INSL5: variants seen among roughly 807,000 people sequenced by gnomAD.
The protein encoded by INSL5 is insulin like 5, also known as insulin-like peptide INSL5.
A neutral mutation model predicts 4.3 loss-of-function variants in INSL5; 3 were observed. That is an observed-to-expected ratio of 0.70 (90% CI 0.32 to 1.82). The LOEUF (loss-of-function observed/expected upper bound fraction) is 1.82, where lower values mean the gene tolerates loss of function less well. Among genes scored for constraint, INSL5 ranks in the 40% most tolerant of loss-of-function variants. The pLI, the probability that INSL5 is intolerant of heterozygous loss-of-function variation, is 0.08. For synonymous variants in INSL5, 68 were observed against 56.6 expected (o/e 1.20, Z -0.90); for missense variants, 168 against 160.9 (o/e 1.04, Z -0.24).
chr1:66,800,836 A>G (rs1645370552), intron 1 of INSL5, among the ~76,000 whole-genome samples: 1 of 152,212 alleles, frequency 6.6e-6, no homozygotes, highest in African/African-American at 2.4e-5. Flanking sequence ...GGACTAAAAA[A>G]TGAGGTAGTT....
intron 1 of INSL5, among the ~76,000 whole-genome samples, chr1:66,800,043 C>CAAAT (rs924098376): frequency 4.6e-4 from 70 of 151,724 alleles, no homozygotes; most frequent in Admixed American, 1.0e-3. Flanking sequence ...TGTCTCCAAT[C>CAAAT]AAATAAATAA....
chr1:66,798,070 T>C lies in INSL5; in HGVS notation c.351A>G (p.Leu117=), dbSNP rs759485610. The change falls in exon 2 of 2, where the codon TTA becomes TTG. Residue 117 remains leucine (L), a synonymous_variant. Coordinates refer to ENST00000304526, the MANE Select transcript of INSL5 (RefSeq NM_005478.6). The part of the protein sequence containing the change: ...KKHSVMSRQD[L]QTLCCTDGCS... ...AGCCATCAGTGCAACACAAAGTTTGTAAATCTTGTCTTGACATCACTGAAT... is the reference window on the plus strand; with the variant it reads ...AGCCATCAGTGCAACACAAAGTTTGCAAATCTTGTCTTGACATCACTGAAT... 1.1e-5 allele frequency: 18 copies of C among 1,614,014 alleles called. No homozygotes were observed. The South Asian group carries it at 1.6e-4, about 15-fold the overall frequency.
In INSL5 at chr1:66,798,264, A is replaced by G; in HGVS notation, c.176-19T>C. The G allele has an allele frequency of 6.4e-7, 1 of 1,566,802 alleles. No homozygotes were observed. The highest frequency in any genetic ancestry group is 1.4e-5 in the African/African-American group (1 of 73,938). On this transcript the variant is annotated intron_variant, in intron 1 of 1. Transcript: ENST00000304526. ...GTCTCAGCTGTATGGAAGAGAAAAA[A>G]ATAATACATCCTTAGACAGCTCCTA...
At position 66,797,839 on chromosome 1, in the gene INSL5, G is replaced by A. The variant is rs1210080058; in HGVS notation, c.*174C>T. 4 of 570,124 alleles carry A rather than the reference G, an allele frequency of 7.0e-6. No homozygotes were observed. Among genetic ancestry groups the A allele is most frequent in the African/African-American group, 1.9e-5 (1 of 53,388 alleles). 35.3% of individuals were successfully genotyped at this position (570,124 alleles called of 1,614,324 possible). A position where few individuals can be genotyped will look rare whatever the true frequency, so the allele number is the denominator to read the frequency against. ...CAGTTCATTAACCTTGGCAAAGGGA[G>A]AAAATAGAGATCACTGTGGTTTCAA... On this transcript the variant is annotated 3_prime_UTR_variant, in exon 2 of 2. Transcript: ENST00000304526.
At chr1:66,800,727 CG>C (rs1645370119) in intron 1 of INSL5, among the ~76,000 whole-genome samples, 1 of 152,138 alleles carries the variant, frequency 6.6e-6, no homozygotes, top group African/African-American at 2.4e-5. Flanking sequence ...TACTTCAACA[CG>C]CTCCTTGAAA....
chr1:66,798,812 T>C (rs905915355), intron 1 of INSL5, among the ~76,000 whole-genome samples: 1 of 152,198 alleles, frequency 6.6e-6, no homozygotes, highest in Non-Finnish European at 1.5e-5. Flanking sequence ...GGTGAACAGA[T>C]GCTGGTTGGT....
At position 66,797,782 on chromosome 1, in the gene INSL5, A is replaced by C. The variant is rs1010243941; in HGVS notation, c.*231T>G. 7 of 393,816 alleles carry C rather than the reference A, an allele frequency of 1.8e-5. No homozygotes were observed. The highest frequency in any genetic ancestry group is 2.7e-5 in the Non-Finnish European group (6 of 221,344). 24.4% of individuals were successfully genotyped at this position (393,816 alleles called of 1,614,324 possible). A position where few individuals can be genotyped will look rare whatever the true frequency, so the allele number is the denominator to read the frequency against. On this transcript the variant is annotated 3_prime_UTR_variant, in exon 2 of 2. Coordinates refer to ENST00000304526, the MANE Select transcript of INSL5 (RefSeq NM_005478.6). The stretch of plus-strand genomic sequence containing the variant: ...TATTGCAATTTTGCGCAGCATTTGA[A>C]ATTTCAAAGCATTAGTAGAATTTGA...
chr1:66,797,981 G>T lies in INSL5; in HGVS notation c.*32C>A. On this transcript the variant is annotated 3_prime_UTR_variant, in exon 2 of 2. Transcript: ENST00000304526. ...ACACTGTAATTAAACATGTGATAAA[G>T]CTCTGCCACCCATTGGGTATTTGCT... The T allele has an allele frequency of 1.4e-6, 2 of 1,402,992 alleles. No individual in the cohort carries two copies. The highest frequency in any genetic ancestry group is 2.0e-6 in the Non-Finnish European group (2 of 989,208). The allele number at this position is 1,402,992 out of a possible 1,614,324, so 86.9% of individuals were successfully genotyped here.
intron 1 of INSL5, among the ~76,000 whole-genome samples, chr1:66,799,337 CTT>C (rs1487648229): frequency 6.6e-6 from 1 of 152,102 alleles, no homozygotes; most frequent in African/African-American, 2.4e-5. Flanking sequence ...AAAATACACT[CTT>C]AAGCAAGGCA....
At position 66,797,849 on chromosome 1, in the gene INSL5, A is replaced by T; in HGVS notation, c.*164T>A. The T allele has an allele frequency of 1.7e-6, 1 of 580,634 alleles. No individual in the cohort carries two copies. The highest frequency in any genetic ancestry group is 3.1e-6 in the Non-Finnish European group (1 of 326,390). The allele number at this position is 580,634 out of a possible 1,614,324, so 36.0% of individuals were successfully genotyped here. A position where few individuals can be genotyped will look rare whatever the true frequency, so the allele number is the denominator to read the frequency against. ...ACCTTGGCAAAGGGAGAAAATAGAG[A>T]TCACTGTGGTTTCAACCGCTCAGCT... On this transcript the variant is annotated 3_prime_UTR_variant, in exon 2 of 2. Coordinates refer to ENST00000304526, the MANE Select transcript of INSL5 (RefSeq NM_005478.6).
Position 66,801,138 on chromosome 1 carries a change from G to A in INSL5, c.84C>T (p.Leu28=). ...CTGTCCGTATGTATTCTAGCCCACA[G>A]AGTCTCACAGACTCCTTGCTCCGCA... The part of the protein sequence containing the change: ...SEVRSKESVR[L]CGLEYIRTVI... The change falls in exon 1 of 2, where the codon CTC becomes CTT. Residue 28 remains leucine (L), a synonymous_variant. Coordinates refer to ENST00000304526, the MANE Select transcript of INSL5 (RefSeq NM_005478.6). 1.2e-6 allele frequency: 2 copies of A among 1,612,774 alleles called. No homozygotes were observed. Among genetic ancestry groups the A allele is most frequent in the East Asian group, 2.2e-5 (1 of 44,878 alleles).
At chr1:66,800,684 T>C (rs909659266) in intron 1 of INSL5, among the ~76,000 whole-genome samples, 1 of 152,196 alleles carries the variant, frequency 6.6e-6, no homozygotes, top group Admixed American at 6.5e-5. Context: ...TAACTTATTA[T>C]ATTGTACAAT....
rs149194547 is a variant in INSL5 at position 66,801,115 on chromosome 1, G to A, written c.107C>T (p.Thr36Ile). The stretch of plus-strand genomic sequence containing the variant: ...GGAGCTAGCACAGATATAGATGACT[G>A]TCCGTATGTATTCTAGCCCACAGAG... Reference protein sequence around the residue: ...VRLCGLEYIRTVIYICASSRW... With the variant: ...VRLCGLEYIRIVIYICASSRW... Residue 36 changes from threonine to isoleucine, a missense_variant, in exon 1 of 2, where the codon ACA (threonine) becomes ATA (isoleucine). Physicochemically the swap from Thr to Ile is moderately conservative, Grantham distance 89. Transcript: ENST00000304526. The A allele has an allele frequency of 2.8e-4, 454 of 1,613,588 alleles. 7 individuals are homozygous for A. The Admixed American group carries it at 7.5e-3, about 27-fold the overall frequency.
Position 66,798,021 on chromosome 1 carries a change from G to C in INSL5, c.400C>G (p.Leu134Val), listed in dbSNP as rs1045948846. 1.7e-5 allele frequency: 28 copies of C among 1,611,658 alleles called. No individual in the cohort carries two copies. The highest frequency in any genetic ancestry group is 2.4e-5 in the Non-Finnish European group (28 of 1,177,890). ...DGCSMTDLSALC is the reference protein window; with the variant it reads ...DGCSMTDLSAVC Reference sequence around the variant, plus strand: ...GGGTATTTGCTCTTGTCTTAGCAAAGAGCACTCAAATCAGTCATGGAACAG... The same window carrying C: ...GGGTATTTGCTCTTGTCTTAGCAAACAGCACTCAAATCAGTCATGGAACAG... The change falls in exon 2 of 2, where the codon CTT (leucine) becomes GTT (valine). Residue 134 changes from leucine to valine, a missense_variant. Physicochemically the swap from Leu to Val is conservative, Grantham distance 32 (BLOSUM62 1). Coordinates refer to ENST00000304526, the MANE Select transcript of INSL5 (RefSeq NM_005478.6).
At chr1:66,801,013 A>C (rs1000508800) in intron 1 of INSL5, 34 bp downstream of exon 1, 1 of 1,481,788 alleles carries the variant, frequency 6.7e-7, no homozygotes, top group Non-Finnish European at 9.2e-7. Flanking sequence ...GACATGTGAA[A>C]GGAAAATAGA....
rs1239484172 is a variant in INSL5 at position 66,801,155 on chromosome 1, T to C, written c.67A>G (p.Lys23Glu). 6.2e-7 allele frequency: 1 copy of C among 1,613,232 alleles called. No homozygotes were observed. The highest frequency in any genetic ancestry group is 8.5e-7 in the Non-Finnish European group (1 of 1,179,296). ...AGCCCACAGAGTCTCACAGACTCCT[T>C]GCTCCGCACTTCTGAGATGGCAAAT... is the stretch of plus-strand genomic sequence containing the variant. ...VLFAISEVRS[K>E]ESVRLCGLEY... The change falls in exon 1 of 2, where the codon AAG becomes GAG. Residue 23 changes from lysine (K) to glutamate (E), a missense_variant. Coordinates refer to ENST00000304526, the MANE Select transcript of INSL5 (RefSeq NM_005478.6).
chr1:66,797,898 G>C lies in INSL5; in HGVS notation c.*115C>G, dbSNP rs1307639482. 1 of 719,812 alleles carries C rather than the reference G, an allele frequency of 1.4e-6. No individual in the cohort carries two copies. The highest frequency in any genetic ancestry group is 2.7e-5 in the East Asian group (1 of 37,026). 44.6% of individuals were successfully genotyped at this position (719,812 alleles called of 1,614,324 possible). ...CTATACCTTTTAGAAAAGAAGTTTTGCCTACCCAAAAGCCATCATTTTAAT... is the reference window on the plus strand; with the variant it reads ...CTATACCTTTTAGAAAAGAAGTTTTCCCTACCCAAAAGCCATCATTTTAAT... On this transcript the variant is annotated 3_prime_UTR_variant, in exon 2 of 2. Coordinates refer to ENST00000304526, the MANE Select transcript of INSL5 (RefSeq NM_005478.6).
Position 66,798,001 on chromosome 1 carries a change from T to C in INSL5, c.*12A>G. The C allele has an allele frequency of 2.5e-6, 4 of 1,574,660 alleles. No individual in the cohort carries two copies. The highest frequency in any genetic ancestry group is 3.5e-6 in the Non-Finnish European group (4 of 1,144,308). ...ATAAAGCTCTGCCACCCATTGGGTA[T>C]TTGCTCTTGTCTTAGCAAAGAGCAC... On this transcript the variant is annotated 3_prime_UTR_variant, in exon 2 of 2. Coordinates refer to ENST00000304526, the MANE Select transcript of INSL5 (RefSeq NM_005478.6).
chr1:66,801,045 A>T lies in INSL5; in HGVS notation c.175+2T>A. On this transcript the variant is annotated splice_donor_variant, in intron 1 of 1. Transcript: ENST00000304526. LOFTEE classifies it high-confidence loss of function. Reference sequence around the variant, plus strand: ...TAGAGGAGACACATGAGTTACTGTTACCTTGCTGAGCTTGAGGGATCCCCT... The same window carrying T: ...TAGAGGAGACACATGAGTTACTGTTTCCTTGCTGAGCTTGAGGGATCCCCT... The T allele has an allele frequency of 6.2e-7, 1 of 1,602,858 alleles. No individual in the cohort carries two copies. The highest frequency in any genetic ancestry group is 8.5e-7 in the Non-Finnish European group (1 of 1,173,202).
Sources: gnomAD v4.1 joint callset for allele counts (sites outside exome capture counted in the v4.1 genomes callset) on GRCh38, gnomAD v4.1.1 for gene constraint, MANE v1.5 for transcripts, NCBI Gene and HGNC (gene_info 2026-07-23, HGNC 2026-07-21) for gene names.